THSD7B: variants seen among roughly 807,000 people sequenced by gnomAD.
THSD7B encodes thrombospondin type-1 domain-containing protein 7B.
THSD7B carries 138 observed loss-of-function variants against 213.6 expected under a neutral mutation model. That is an observed-to-expected ratio of 0.65 (90% confidence interval 0.56 to 0.74). The LOEUF is 0.74. Among genes scored for constraint, THSD7B ranks in the 30% least tolerant of loss-of-function variants. The pLI is 0.00. For missense variants in THSD7B, 1,931 were observed against 1,991.5 expected (o/e 0.97, Z 0.58); for synonymous variants, 742 against 687.0 (o/e 1.08, Z -1.25).
chr2:137,198,204 A>T (rs1302600544), intron 7 of THSD7B, among the ~76,000 whole-genome samples: 2 of 152,188 alleles, frequency 1.3e-5, no homozygotes, highest in African/African-American at 4.8e-5. Context: ...GAAATCAATG[A>T]GACTGGCATT....
At chr2:136,918,329 C>A (rs543201984) in intron 2 of THSD7B, among the ~76,000 whole-genome samples, 4 of 148,900 alleles carry the variant, frequency 2.7e-5, no homozygotes, top group African/African-American at 1.0e-4. Flanking sequence ...AGGTCTCTTT[C>A]ATTTTTATTT....
At chr2:136,780,951 C>T (rs1220568716) in intron 1 of THSD7B, among the ~76,000 whole-genome samples, 2 of 152,028 alleles carry the variant, frequency 1.3e-5, no homozygotes, top group Admixed American at 6.5e-5. Context: ...AGGCCAACAC[C>T]GATGCCTCCA....
intron 1 of THSD7B, among the ~76,000 whole-genome samples, chr2:136,845,703 C>A (rs1682997331): frequency 6.6e-6 from 1 of 152,104 alleles, no homozygotes; most frequent in African/African-American, 2.4e-5. Flanking sequence ...CTATTATGAA[C>A]TTTGGTTTAG....
intron 21 of THSD7B, among the ~76,000 whole-genome samples, chr2:137,645,290 T>G (rs1156636306): frequency 6.6e-6 from 1 of 152,252 alleles, no homozygotes; most frequent in Non-Finnish European, 1.5e-5. Flanking sequence ...AAGCACCATC[T>G]GCCTATTCAC....
At chr2:137,667,301 T>C (rs1208451495) in intron 26 of THSD7B, among the ~76,000 whole-genome samples, 1 of 151,928 alleles carries the variant, frequency 6.6e-6, no homozygotes, top group Non-Finnish European at 1.5e-5. Flanking sequence ...TACCTATGTG[T>C]ATTTCCACCT....
chr2:137,648,063 C>T (rs1025880646), intron 21 of THSD7B, among the ~76,000 whole-genome samples: 10 of 152,094 alleles, frequency 6.6e-5, no homozygotes, highest in Admixed American at 3.3e-4. Flanking sequence ...TCTCATAGTG[C>T]CTGACAAAAT....
chr2:137,440,133 A>C (rs984601675), intron 14 of THSD7B, among the ~76,000 whole-genome samples: 2 of 152,160 alleles, frequency 1.3e-5, no homozygotes, highest in Admixed American at 6.5e-5. Context: ...TAGCAGTGGA[A>C]GTTAATCCAC....
Position 136,921,531 on chromosome 2 carries a change from G to A in THSD7B, c.139+39214G>A, listed in dbSNP as rs185365467. Among the ~76,000 whole-genome samples, 349 of 152,148 alleles carry A rather than the reference G, an allele frequency of 2.3e-3. 3 individuals carry two copies. The highest frequency in any genetic ancestry group is 1.2e-3 in the Non-Finnish European group (83 of 67,988). On this transcript the variant is annotated intron_variant, in intron 2 of 27. Transcript: ENST00000409968. The stretch of plus-strand genomic sequence containing the variant: ...TGCTAAGCTAAGGAAGGTGGAAGAT[G>A]CAGTTTGATTACAAAGAAGGTAGAA...
intron 12 of THSD7B, among the ~76,000 whole-genome samples, chr2:137,282,541 T>C (rs1349673806): frequency 2.0e-5 from 3 of 152,216 alleles, no homozygotes; most frequent in Non-Finnish European, 2.9e-5. Context: ...GTTTTAGGTC[T>C]AACATTTAAG....
At chr2:137,314,671 A>G (rs1432154643) in intron 12 of THSD7B, among the ~76,000 whole-genome samples, 2 of 152,150 alleles carry the variant, frequency 1.3e-5, no homozygotes, top group Non-Finnish European at 2.9e-5. Flanking sequence ...ATAGTGATGT[A>G]CAGATGAGTT....
chr2:137,155,593 C>A (rs911632490), intron 5 of THSD7B, among the ~76,000 whole-genome samples: 2 of 152,124 alleles, frequency 1.3e-5, no homozygotes, highest in African/African-American at 4.8e-5. Context: ...GCCTTCACTC[C>A]ACCCACTTCC....
At chr2:137,537,195 A>G in intron 15 of THSD7B, among the ~76,000 whole-genome samples, 1 of 151,794 alleles carries the variant, frequency 6.6e-6, no homozygotes, top group East Asian at 1.9e-4. Flanking sequence ...CATTCTATAG[A>G]TATAATACTA....
intron 15 of THSD7B, among the ~76,000 whole-genome samples, chr2:137,503,413 C>T (rs940004427): frequency 6.6e-6 from 1 of 152,194 alleles, no homozygotes; most frequent in African/African-American, 2.4e-5. Flanking sequence ...CCATTTTAAG[C>T]TTGTCCTACA....
intron 1 of THSD7B, among the ~76,000 whole-genome samples, chr2:136,814,782 A>G (rs58755079): frequency 0.083 from 12,679 of 152,208 alleles, 665 homozygotes; most frequent in East Asian, 0.2. Context: ...CTTATATGGC[A>G]GCTATAAAAT....
At chr2:137,573,075 A>C (rs1335255533) in intron 17 of THSD7B, among the ~76,000 whole-genome samples, 3 of 152,150 alleles carry the variant, frequency 2.0e-5, no homozygotes, top group South Asian at 2.1e-4. Context: ...AAAAAAAAAA[A>C]AACTAAAGGA....
intron 17 of THSD7B, among the ~76,000 whole-genome samples, chr2:137,582,801 C>T (rs781493536): frequency 2.0e-4 from 31 of 152,180 alleles, no homozygotes; most frequent in East Asian, 1.7e-3. Flanking sequence ...AATAAACATA[C>T]GTGTGCATGT....
intron 21 of THSD7B, 62 bp downstream of exon 21, chr2:137,642,695 C>A: frequency 1.3e-6 from 2 of 1,568,000 alleles, no homozygotes; most frequent in South Asian, 2.4e-5. Flanking sequence ...CTTGTCTGGT[C>A]AAACCTATGC....
At chr2:137,232,152 G>A (rs34875735) in intron 8 of THSD7B, among the ~76,000 whole-genome samples, 102 of 152,258 alleles carry the variant, frequency 6.7e-4, no homozygotes, top group Non-Finnish European at 7.6e-4. Flanking sequence ...CCATTAAAGT[G>A]TAGAAGAGTA....
intron 5 of THSD7B, among the ~76,000 whole-genome samples, chr2:137,129,610 A>T (rs1299651884): frequency 6.6e-6 from 1 of 151,674 alleles, no homozygotes; most frequent in African/African-American, 2.4e-5. Flanking sequence ...TAGCTAATTT[A>T]AAAAAATAGC....
Sources: allele counts gnomAD v4.1 joint callset (sites outside exome capture counted in the v4.1 genomes callset), GRCh38; gene constraint gnomAD v4.1.1; transcripts MANE v1.5; gene names NCBI Gene and HGNC (gene_info 2026-07-23, HGNC 2026-07-21).